Variants in PEX1 observed in about 807,000 individuals in gnomAD.
The protein encoded by PEX1 is peroxisomal ATPase PEX1.
PEX1 carries 97 observed loss-of-function variants against 152.5 expected under a neutral mutation model. The ratio of observed to expected loss-of-function variants is 0.64; its 90% CI spans 0.54 to 0.75. The LOEUF is 0.75. PEX1 is among the 30% of genes least tolerant of loss of function. The pLI is 0.00. For synonymous variants in PEX1, 485 were observed against 531.6 expected (o/e 0.91, Z 1.21); for missense variants, 1,357 against 1,516.3 (o/e 0.89, Z 1.74).
chr7:92,498,172 A>G (rs1201231644), intron 16 of PEX1, among the ~76,000 whole-genome samples: 2 of 152,114 alleles, frequency 1.3e-5, no homozygotes, highest in Middle Eastern at 3.2e-3. Flanking sequence ...AAAACACGAC[A>G]AAAGAGTAAT....
chr7:92,507,291 C>T (rs1345304142), intron 9 of PEX1, 165 bp from the exon 10 acceptor site: 53 of 593,824 alleles, frequency 8.9e-5, no homozygotes, highest in South Asian at 5.1e-4. Context: ...CAGGCTGGAG[C>T]GCAGTGGTGT....
intron 2 of PEX1, among the ~76,000 whole-genome samples, chr7:92,520,127 C>T (rs1428829905): frequency 6.6e-6 from 1 of 151,782 alleles, no homozygotes; most frequent in East Asian, 1.9e-4. Flanking sequence ...CACTTCAAAG[C>T]AAATGGGAGT....
intron 2 of PEX1, among the ~76,000 whole-genome samples, chr7:92,521,118 C>T (rs1163819679): frequency 1.3e-5 from 2 of 152,086 alleles, no homozygotes; most frequent in Admixed American, 6.6e-5. Flanking sequence ...TGCTACCATG[C>T]CCAGCTAATT....
At chr7:92,521,581 C>CCTG (rs1435163887) in intron 2 of PEX1, among the ~76,000 whole-genome samples, 1 of 151,582 alleles carries the variant, frequency 6.6e-6, no homozygotes, top group East Asian at 2.0e-4. Flanking sequence ...ATTACAGGCA[C>CCTG]CTGCCACCAT....
intron 13 of PEX1, among the ~76,000 whole-genome samples, 178 bp from the exon 14 acceptor site, chr7:92,502,257 A>C (rs774172600): frequency 2.6e-5 from 4 of 152,200 alleles, no homozygotes; most frequent in Non-Finnish European, 4.4e-5. Flanking sequence ...TTCTGGAGTG[A>C]TGAAAATGTT....
At chr7:92,521,261 C>A (rs1793036991) in intron 2 of PEX1, among the ~76,000 whole-genome samples, 1 of 152,154 alleles carries the variant, frequency 6.6e-6, no homozygotes, top group African/African-American at 2.4e-5. Flanking sequence ...CCATTGAGCC[C>A]AGCCTCACAT....
chr7:92,490,164 G>A (rs1225634045), intron 21 of PEX1: 17 of 502,458 alleles, frequency 3.4e-5, no homozygotes, highest in Non-Finnish European at 5.7e-5. Context: ...TAACTTTGTT[G>A]CTTAAATCCA....
intron 20 of PEX1, 95 bp from the exon 21 acceptor site, chr7:92,491,597 C>A: frequency 1.3e-6 from 1 of 765,446 alleles, no homozygotes; most frequent in Non-Finnish European, 2.2e-6. Context: ...TAGAGCAATA[C>A]AAGAAACTTA....
chr7:92,521,652 G>A (rs901276725), intron 2 of PEX1, among the ~76,000 whole-genome samples: 1 of 151,122 alleles, frequency 6.6e-6, no homozygotes. Flanking sequence ...GGGCAGGCTG[G>A]TCTCCAACTC....
intron 5 of PEX1, among the ~76,000 whole-genome samples, chr7:92,515,096 TATATATATATATATATATATATATATCA>T (rs1410313910): frequency 2.2e-4 from 1 of 4,614 alleles, no homozygotes; most frequent in African/African-American, 7.8e-4. Flanking sequence ...TATATATATA[TATATATATATATATATATATATATATCA>T]ATAATGATGT....
intron 5 of PEX1, among the ~76,000 whole-genome samples, chr7:92,514,715 C>T (rs960949548): frequency 6.6e-6 from 1 of 152,100 alleles, no homozygotes; most frequent in South Asian, 2.1e-4. Flanking sequence ...GATGGCTGTA[C>T]AACTAGTATA....
chr7:92,516,053 GAAAA>G (rs71526834), intron 5 of PEX1, among the ~76,000 whole-genome samples: 1,049 of 78,030 alleles, frequency 0.013, 8 homozygotes, highest in South Asian at 0.024. Flanking sequence ...GAAGAGAAGA[GAAAA>G]AAGAAAAGAA....
At chr7:92,505,017 T>C in intron 11 of PEX1, 115 bp from the exon 12 acceptor site, 1 of 782,822 alleles carries the variant, frequency 1.3e-6, no homozygotes, top group South Asian at 1.5e-5. Flanking sequence ...AAAAATTTGA[T>C]CTATATTTTA....
chr7:92,517,455 A>G lies in PEX1; in HGVS notation c.1060T>C (p.Ser354Pro), dbSNP rs1422336690. The change falls in exon 5 of 24, where the codon TCA becomes CCA. Residue 354 changes from serine to proline, a missense_variant. Ser to Pro is a moderately conservative substitution (Grantham distance 74). Coordinates refer to ENST00000248633, the MANE Select transcript of PEX1 (RefSeq NM_000466.3). ...QQSKTKQNVL[S>P]PEKEKQMSEP... Reference sequence around the variant, plus strand: ...GACATCTGCTTCTCTTTTTCAGGTGATAACACATTTTGTTTTGTTTTACTT... The same window carrying G: ...GACATCTGCTTCTCTTTTTCAGGTGGTAACACATTTTGTTTTGTTTTACTT... The G allele has an allele frequency of 1.2e-6, 2 of 1,613,816 alleles. No homozygotes were observed. The highest frequency in any genetic ancestry group is 1.7e-6 in the Non-Finnish European group (2 of 1,179,994).
chr7:92,498,295 G>A (rs942601726), intron 16 of PEX1, among the ~76,000 whole-genome samples: 2 of 151,886 alleles, frequency 1.3e-5, no homozygotes, highest in East Asian at 3.9e-4. Context: ...CTCGAGGTCA[G>A]GAGTTCAAGA....
In PEX1 at chr7:92,517,807, T is replaced by C; in HGVS notation, c.708A>G (p.Pro236=). 6.4e-7 allele frequency: 1 copy of C among 1,554,354 alleles called. No individual in the cohort carries two copies. Among genetic ancestry groups the C allele is most frequent in the Non-Finnish European group, 8.7e-7 (1 of 1,155,300 alleles). Residue 236 remains proline (P), a synonymous_variant, in exon 5 of 24, where the codon CCA becomes CCG. Coordinates refer to ENST00000248633, the MANE Select transcript of PEX1 (RefSeq NM_000466.3). ...AACTTGCTACTGATGATGAGTCAAC[T>C]GGAATCTCTGACTCGTTTTCATTAG... ...TESNENESEI[P]VDSSSVASLW... is the part of the protein sequence containing the mutation.
In PEX1 at chr7:92,519,034, A is replaced by T. The variant is rs777581476; in HGVS notation, c.318T>A (p.Val106=). Residue 106 remains valine (V), a synonymous_variant, in exon 3 of 24, where the codon GTT becomes GTA. Transcript: ENST00000248633. ...PCSHVVSCQQ[V]EVEPLSADDW... ...CATCTGCTGAGAGGGGTTCCACCTC[A>T]ACTTGTTGACAAGATACCACATGGG... 6.2e-7 allele frequency: 1 copy of T among 1,612,142 alleles called. No individual in the cohort carries two copies. Among genetic ancestry groups the T allele is most frequent in the Non-Finnish European group, 8.5e-7 (1 of 1,178,238 alleles).
chr7:92,525,798 A>C (rs1480285616), intron 1 of PEX1, among the ~76,000 whole-genome samples: 5 of 152,254 alleles, frequency 3.3e-5, no homozygotes, highest in African/African-American at 1.2e-4. Context: ...CTTGAAACAC[A>C]GTACAGAGTA....
At chr7:92,509,064 G>C (rs1792329588) in intron 9 of PEX1, among the ~76,000 whole-genome samples, 2 of 150,394 alleles carry the variant, frequency 1.3e-5, no homozygotes, top group Admixed American at 1.3e-4. Flanking sequence ...ATAAGCTTCA[G>C]ACTTCTTGTT....
Sources: allele counts gnomAD v4.1 joint callset (sites outside exome capture counted in the v4.1 genomes callset), GRCh38; gene constraint gnomAD v4.1.1; transcripts MANE v1.5; gene names NCBI Gene and HGNC (gene_info 2026-07-23, HGNC 2026-07-21).